UBE3A: variants seen among roughly 807,000 people sequenced by gnomAD.
UBE3A encodes the protein ubiquitin-protein ligase E3A.
UBE3A carries 6 observed loss-of-function variants against 83.4 expected under a neutral mutation model. The ratio of observed to expected loss-of-function variants is 0.07; its 90% CI spans 0.04 to 0.14. The LOEUF is 0.14. Among genes scored for constraint, UBE3A ranks in the 10% least tolerant of loss-of-function variants. UBE3A has a pLI of 1.00. For synonymous variants in UBE3A, 337 were observed against 355.4 expected (o/e 0.95, Z 0.58); for missense variants, 456 against 1,036.1 (o/e 0.44, Z 7.69).
intron 11 of UBE3A, among the ~76,000 whole-genome samples, chr15:25,352,556 T>C (rs2076660258): frequency 6.6e-6 from 1 of 152,244 alleles, no homozygotes; most frequent in Admixed American, 6.5e-5. Context: ...GCTAATGAAG[T>C]GAGCACATTT....
At chr15:25,343,078 G>C (rs1022019576) in intron 11 of UBE3A, among the ~76,000 whole-genome samples, 1 of 152,128 alleles carries the variant, frequency 6.6e-6, no homozygotes, top group Non-Finnish European at 1.5e-5. Flanking sequence ...CCTTACTAAA[G>C]CAACAGAAGA....
intron 4 of UBE3A, among the ~76,000 whole-genome samples, chr15:25,379,574 A>T (rs2081819828): frequency 6.6e-6 from 1 of 152,156 alleles, no homozygotes; most frequent in African/African-American, 2.4e-5. Flanking sequence ...CTCCAATGAC[A>T]CCTTAATTTA....
chr15:25,426,331 T>C (rs902385196), intron 1 of UBE3A, among the ~76,000 whole-genome samples: 8 of 152,340 alleles, frequency 5.3e-5, no homozygotes, highest in South Asian at 4.1e-4. Flanking sequence ...CTGTACCATA[T>C]AGTCCCAATG....
chr15:25,433,388 G>T (rs570102686), intron 1 of UBE3A, among the ~76,000 whole-genome samples: 4 of 151,854 alleles, frequency 2.6e-5, no homozygotes, highest in Admixed American at 6.6e-5. Flanking sequence ...AGGTTTCACC[G>T]TGTTGGCCAG....
In UBE3A at chr15:25,353,929, T is replaced by C. The variant is rs762160804; in HGVS notation, c.2354+424A>G. On this transcript the variant is annotated intron_variant, in intron 11 of 12. Coordinates refer to ENST00000648336, the MANE Select transcript of UBE3A (RefSeq NM_130839.5). ...AATACTAGTATGTATCTGGACATAT[T>C]ATCTTAAGAATTAAATAAAAGACTA... 363 of 239,144 alleles carry C rather than the reference T, an allele frequency of 1.5e-3. 8 individuals carry two copies. Among genetic ancestry groups the C allele is most frequent in the Non-Finnish European group, 4.8e-4 (58 of 121,594 alleles). The allele number at this position is 239,144 out of a possible 1,614,324, so 14.8% of individuals were successfully genotyped here. A position where few individuals can be genotyped will look rare whatever the true frequency, so the allele number is the denominator to read the frequency against.
chr15:25,430,252 TTATATATATAA>T, intron 1 of UBE3A, among the ~76,000 whole-genome samples: 229 of 2,528 alleles, frequency 0.091, 66 homozygotes, highest in Non-Finnish European at 0.47. Flanking sequence ...TATATATATA[TTATATATATAA>T]TACATATATA....
In UBE3A at chr15:25,339,085, TTTTTC is replaced by T; in HGVS notation, c.*47_*51del. On this transcript the variant is annotated 3_prime_UTR_variant, in exon 13 of 13. Coordinates refer to ENST00000648336, the MANE Select transcript of UBE3A (RefSeq NM_130839.5). ...GTTATATTTTTAAAATTTTTTAAAT[TTTTTC>T]TTTTTTTTTCCTTCCTTTTTTTTGT... 2 of 1,478,486 alleles carry T rather than the reference TTTTTC, an allele frequency of 1.4e-6. No homozygotes were observed. Among genetic ancestry groups the T allele is most frequent in the South Asian group, 1.4e-5 (1 of 72,950 alleles). 91.6% of individuals were successfully genotyped at this position (1,478,486 alleles called of 1,614,324 possible). A position where few individuals can be genotyped will look rare whatever the true frequency, so the allele number is the denominator to read the frequency against.
intron 1 of UBE3A, among the ~76,000 whole-genome samples, chr15:25,431,543 A>G (rs776661686): frequency 5.9e-5 from 9 of 152,074 alleles, no homozygotes; most frequent in Non-Finnish European, 1.2e-4. Flanking sequence ...GGGTTTCACC[A>G]TGTTGGCCAG....
At chr15:25,389,253 T>C (rs960680464) in intron 4 of UBE3A, among the ~76,000 whole-genome samples, 1 of 46,462 alleles carries the variant, frequency 2.2e-5, no homozygotes, top group African/African-American at 6.2e-5. Context: ...TAACTGAACA[T>C]CCACATGCAA....
At chr15:25,353,798 T>C (rs2076853049) in intron 11 of UBE3A, among the ~76,000 whole-genome samples, 1 of 152,106 alleles carries the variant, frequency 6.6e-6, no homozygotes. Flanking sequence ...TACACAGAAG[T>C]AGACAGTAGA....
At chr15:25,355,067 G>A (rs1427707573) in intron 9 of UBE3A, among the ~76,000 whole-genome samples, 1 of 152,132 alleles carries the variant, frequency 6.6e-6, no homozygotes, top group Non-Finnish European at 1.5e-5. Flanking sequence ...TATAAATGCT[G>A]GAGACGCAGA....
chr15:25,336,999 T>C lies in UBE3A; in HGVS notation c.*2138A>G, dbSNP rs987672724. On this transcript the variant is annotated 3_prime_UTR_variant, in exon 13 of 13. Coordinates refer to ENST00000648336, the MANE Select transcript of UBE3A (RefSeq NM_130839.5). Reference sequence around the variant, plus strand: ...GAAAAGGCAGCAAAAGTAAGAGGAGTGACAACATGCCCGGCATAATTAAGC... The same window carrying C: ...GAAAAGGCAGCAAAAGTAAGAGGAGCGACAACATGCCCGGCATAATTAAGC... 1.3e-5 allele frequency: 2 copies of C among 151,928 alleles called. No individual in the cohort carries two copies. Among genetic ancestry groups the C allele is most frequent in the African/African-American group, 4.8e-5 (2 of 41,342 alleles). The allele number at this position is 151,928 out of a possible 1,614,324, so 9.4% of individuals were successfully genotyped here. A position where few individuals can be genotyped will look rare whatever the true frequency, so the allele number is the denominator to read the frequency against.
intron 1 of UBE3A, among the ~76,000 whole-genome samples, chr15:25,433,287 G>A (rs527629685): frequency 2.8e-4 from 42 of 151,546 alleles, no homozygotes; most frequent in Admixed American, 7.2e-4. Flanking sequence ...GTGTTCAAGC[G>A]TTTCCCCTGC....
intron 4 of UBE3A, among the ~76,000 whole-genome samples, chr15:25,384,072 T>G (rs2082655776): frequency 1.3e-5 from 2 of 152,112 alleles, no homozygotes; most frequent in Admixed American, 1.3e-4. Flanking sequence ...AAAAAGGAAA[T>G]TAATTTTTTA....
intron 1 of UBE3A, chr15:25,418,977 C>G (rs1191051092): frequency 1.3e-5 from 2 of 152,106 alleles, no homozygotes; most frequent in Non-Finnish European, 2.9e-5. Flanking sequence ...CTACATGCAT[C>G]TTCAAATATG....
intron 4 of UBE3A, among the ~76,000 whole-genome samples, chr15:25,395,434 G>A (rs2085331462): frequency 6.6e-6 from 1 of 151,952 alleles, no homozygotes; most frequent in Non-Finnish European, 1.5e-5. Context: ...GAAGTATAAT[G>A]GTTAAAAAAA....
In UBE3A at chr15:25,362,293, C is replaced by T. The variant is rs972772655; in HGVS notation, c.1609-1766G>A. On this transcript the variant is annotated intron_variant, in intron 6 of 12. Transcript: ENST00000648336. Reference sequence around the variant, plus strand: ...AATAATGTCTGTTGTTGTTCAACACCGATCTCTAATATTTACAAAATCATT... The same window carrying T: ...AATAATGTCTGTTGTTGTTCAACACTGATCTCTAATATTTACAAAATCATT... Among the ~76,000 whole-genome samples, 8 of 152,106 alleles carry T rather than the reference C, an allele frequency of 5.3e-5. No homozygotes were observed. The South Asian group carries it at 1.2e-3, about 24-fold the overall frequency.
chr15:25,343,210 G>A (rs1296944060), intron 11 of UBE3A, among the ~76,000 whole-genome samples: 1 of 152,138 alleles, frequency 6.6e-6, no homozygotes, highest in African/African-American at 2.4e-5. Context: ...AAGAAAAACA[G>A]AATTCGGAAG....
chr15:25,417,483 T>C (rs1173808040), intron 1 of UBE3A, among the ~76,000 whole-genome samples: 2 of 151,884 alleles, frequency 1.3e-5, no homozygotes, highest in Non-Finnish European at 2.9e-5. Context: ...ATACAACCCA[T>C]GACCAAGAGA....
Sources: allele counts gnomAD v4.1 joint callset (sites outside exome capture counted in the v4.1 genomes callset), GRCh38; gene constraint gnomAD v4.1.1; transcripts MANE v1.5; gene names NCBI Gene and HGNC (gene_info 2026-07-23, HGNC 2026-07-21).